Variants in CHSY3 observed in about 807,000 individuals in gnomAD.
CHSY3 encodes the protein chondroitin sulfate synthase 3, also known as N-acetylgalactosaminyl-proteoglycan 3-beta-glucuronosyltransferase 3.
CHSY3 carries 35 observed loss-of-function variants against 67.2 expected under a neutral mutation model. That is an observed-to-expected ratio of 0.52 (90% CI 0.40 to 0.69). The LOEUF (loss-of-function observed/expected upper bound fraction) is 0.69. Among genes scored for constraint, CHSY3 ranks in the 30% least tolerant of loss-of-function variants. The pLI, the probability that CHSY3 is intolerant of heterozygous loss-of-function variation, is 0.00. For missense variants in CHSY3, 1,069 were observed against 1,138.5 expected (o/e 0.94, Z 0.88); for synonymous variants, 474 against 434.7 (o/e 1.09, Z -1.12).
intron 2 of CHSY3, among the ~76,000 whole-genome samples, chr5:129,932,140 A>ATATATATATATATATATATG (rs1183646627): frequency 1.5e-5 from 2 of 136,348 alleles, no homozygotes; most frequent in African/African-American, 5.9e-5. Context: ...ATATATATAT[A>ATATATATATATATATATATG]TATGTATATG....
chr5:130,079,358 A>T (rs1766374550), intron 2 of CHSY3, among the ~76,000 whole-genome samples: 1 of 152,112 alleles, frequency 6.6e-6, no homozygotes, highest in South Asian at 2.1e-4. Context: ...AGTTTCTTTT[A>T]TTAAAGACTT....
intron 2 of CHSY3, among the ~76,000 whole-genome samples, chr5:129,950,028 G>A (rs960937566): frequency 1.3e-5 from 2 of 152,008 alleles, no homozygotes; most frequent in Non-Finnish European, 2.9e-5. Flanking sequence ...GCCAGGCATG[G>A]TGGCAGGCGC....
At chr5:129,993,663 C>T (rs866082783) in intron 2 of CHSY3, among the ~76,000 whole-genome samples, 37 of 152,082 alleles carry the variant, frequency 2.4e-4, no homozygotes, top group African/African-American at 8.0e-4. Flanking sequence ...ACTCTTTATC[C>T]AATTTGCCAG....
intron 2 of CHSY3, among the ~76,000 whole-genome samples, chr5:129,954,053 C>T (rs111386959): frequency 6.6e-6 from 1 of 152,038 alleles, no homozygotes; most frequent in South Asian, 2.1e-4. Flanking sequence ...AAGTCTTTGC[C>T]CATGCCTATG....
At chr5:129,956,212 AT>A (rs1339799927) in intron 2 of CHSY3, among the ~76,000 whole-genome samples, 59 of 152,142 alleles carry the variant, frequency 3.9e-4, no homozygotes, top group Non-Finnish European at 6.6e-4. Flanking sequence ...ATTTTTTGAC[AT>A]TTTAATAATA....
chr5:129,929,308 A>G (rs940528679), intron 2 of CHSY3, among the ~76,000 whole-genome samples: 6 of 152,244 alleles, frequency 3.9e-5, no homozygotes, highest in Non-Finnish European at 8.8e-5. Context: ...GCATGTTTAC[A>G]GGAAAAATAT....
intron 2 of CHSY3, among the ~76,000 whole-genome samples, chr5:130,122,770 T>A (rs910359051): frequency 1.3e-5 from 2 of 152,228 alleles, no homozygotes; most frequent in Non-Finnish European, 2.9e-5. Flanking sequence ...CAGCCAGGAA[T>A]AAGCTTGTTA....
At chr5:130,155,387 G>C (rs2149725731) in intron 2 of CHSY3, among the ~76,000 whole-genome samples, 1 of 152,310 alleles carries the variant, frequency 6.6e-6, no homozygotes, top group South Asian at 2.1e-4. Context: ...GTTGGAGAAA[G>C]CATAGAATGG....
chr5:130,184,028 A>G (rs1202289491), intron 2 of CHSY3, among the ~76,000 whole-genome samples: 2 of 151,814 alleles, frequency 1.3e-5, no homozygotes, highest in East Asian at 3.9e-4. Flanking sequence ...CATGATAAGT[A>G]CATGGAATTT....
intron 2 of CHSY3, among the ~76,000 whole-genome samples, chr5:129,985,973 C>A (rs897243911): frequency 6.6e-6 from 1 of 151,940 alleles, no homozygotes; most frequent in East Asian, 1.9e-4. Context: ...ATATTATCTG[C>A]GAAGAGAGAT....
chr5:129,915,516 C>T (rs1256360472), intron 2 of CHSY3, among the ~76,000 whole-genome samples: 5 of 152,078 alleles, frequency 3.3e-5, no homozygotes, highest in South Asian at 2.1e-4. Flanking sequence ...AACAGATGAA[C>T]GAAATGCATT....
intron 2 of CHSY3, among the ~76,000 whole-genome samples, chr5:130,088,249 T>G (rs1447372839): frequency 1.3e-5 from 2 of 151,886 alleles, no homozygotes; most frequent in African/African-American, 4.8e-5. Context: ...ACGTTAGACC[T>G]AAAACCATAA....
At chr5:130,132,276 T>C (rs1768506363) in intron 2 of CHSY3, among the ~76,000 whole-genome samples, 1 of 152,140 alleles carries the variant, frequency 6.6e-6, no homozygotes, top group South Asian at 2.1e-4. Context: ...AGAGATAATC[T>C]CTGAAAAAGC....
intron 1 of CHSY3, among the ~76,000 whole-genome samples, chr5:129,907,012 C>T (rs1760331055): frequency 6.6e-6 from 1 of 152,118 alleles, no homozygotes; most frequent in East Asian, 1.9e-4. Context: ...AAAGAATGGT[C>T]TCATTACATT....
intron 2 of CHSY3, among the ~76,000 whole-genome samples, chr5:130,142,495 C>T (rs1768898082): frequency 2.0e-5 from 3 of 152,026 alleles, no homozygotes; most frequent in Admixed American, 2.0e-4. Flanking sequence ...ATAGAATATT[C>T]CAATTTGATT....
intron 2 of CHSY3, among the ~76,000 whole-genome samples, chr5:130,060,050 C>A (rs772376646): frequency 2.6e-5 from 4 of 151,668 alleles, no homozygotes; most frequent in Admixed American, 6.6e-5. Flanking sequence ...AGGAGGAATT[C>A]CTCCCTAACT....
intron 2 of CHSY3, among the ~76,000 whole-genome samples, chr5:130,048,397 T>A (rs995803392): frequency 6.6e-6 from 1 of 152,080 alleles, no homozygotes; most frequent in Non-Finnish European, 1.5e-5. Context: ...TTCCTTTTAT[T>A]ATTTTATAGT....
chr5:129,999,636 T>A (rs905086903), intron 2 of CHSY3, among the ~76,000 whole-genome samples: 3 of 152,170 alleles, frequency 2.0e-5, no homozygotes, highest in Non-Finnish European at 4.4e-5. Context: ...ATTCTCTTCC[T>A]CATTCAGATT....
At chr5:130,100,901 T>G (rs1767220804) in intron 2 of CHSY3, among the ~76,000 whole-genome samples, 1 of 152,216 alleles carries the variant, frequency 6.6e-6, no homozygotes, top group Admixed American at 6.5e-5. Flanking sequence ...AAACATAAAC[T>G]GTGCAAGAAA....
Sources: gnomAD v4.1 joint callset for allele counts (sites outside exome capture counted in the v4.1 genomes callset) on GRCh38, gnomAD v4.1.1 for gene constraint, MANE v1.5 for transcripts, NCBI Gene and HGNC (gene_info 2026-07-23, HGNC 2026-07-21) for gene names.